The following IAH1 variants were observed in gnomAD, a reference collection of about 807,000 sequenced individuals.
The protein encoded by IAH1 is isoamyl acetate-hydrolyzing esterase 1 homolog.
Under a neutral mutation model 26.7 loss-of-function variants are expected in IAH1, and 24 were observed. That is an observed-to-expected ratio of 0.90 (90% CI 0.65 to 1.26). IAH1 has a LOEUF of 1.26. Among genes scored for constraint, IAH1 ranks in the 50% most tolerant of loss-of-function variants. IAH1 has a pLI of 0.00. For synonymous variants in IAH1, 140 were observed against 118.5 expected, an observed-to-expected ratio of 1.18 and a Z score of -1.18; for missense variants, 300 against 299.9, an observed-to-expected ratio of 1.00 and a Z score of 0.00.
At chr2:9,499,367 A>T (rs1363005275), downstream of IAH1, among the ~76,000 whole-genome samples, 1 of 152,104 alleles carries the variant, frequency 6.6e-6, no homozygotes, top group African/African-American at 2.4e-5. Context: ...TGCTTCTTTA[A>T]AGCTTGATTT....
At chr2:9,494,816 TCTC>T (rs773001207) in exon 6 of IAH1, 1 of 1,603,098 alleles carries the variant, frequency 6.2e-7, no homozygotes, top group Non-Finnish European at 8.5e-7. Context: ...GAGACCTGCC[TCTC>T]CTCCTGCCTC....
At chr2:9,506,185 C>A in the IAH1 span, among the ~76,000 whole-genome samples, 1 of 152,046 alleles carries the variant, frequency 6.6e-6, no homozygotes, top group African/African-American at 2.4e-5. Context: ...AAAATGGCTT[C>A]ACTTTCACCC....
downstream of IAH1, chr2:9,491,293 A>AATCC: frequency 1.5e-6 from 1 of 670,912 alleles, no homozygotes; most frequent in Non-Finnish European, 2.5e-6. Context: ...AACAGATGAC[A>AATCC]ATCCATTTCT....
intron 3 of IAH1, among the ~76,000 whole-genome samples, chr2:9,480,215 C>T (rs1346212558): frequency 6.6e-6 from 1 of 152,098 alleles, no homozygotes; most frequent in African/African-American, 2.4e-5. Context: ...TATTTATGGA[C>T]ACAGAAAAGC....
downstream of IAH1, among the ~76,000 whole-genome samples, chr2:9,499,593 A>G (rs555489739): frequency 0.014 from 2,084 of 152,182 alleles, 196 homozygotes; most frequent in Admixed American, 0.13. Flanking sequence ...TAGTAGACAC[A>G]GGGTTTCACC....
chr2:9,480,616 C>G (rs1351741135), intron 3 of IAH1, among the ~76,000 whole-genome samples: 2 of 152,070 alleles, frequency 1.3e-5, no homozygotes, highest in Non-Finnish European at 2.9e-5. Context: ...AGATATACAT[C>G]CAAATGCCAA....
the IAH1 span, among the ~76,000 whole-genome samples, chr2:9,503,421 A>G: frequency 6.6e-6 from 1 of 152,248 alleles, no homozygotes; most frequent in African/African-American, 2.4e-5. Flanking sequence ...ATATAGAATC[A>G]TGATAACATT....
chr2:9,494,610 C>T, downstream of IAH1: 3 of 1,608,318 alleles, frequency 1.9e-6, no homozygotes, highest in Non-Finnish European at 1.7e-6. Flanking sequence ...CTGGCTGTTA[C>T]AGAAAAAGCT....
downstream of IAH1, among the ~76,000 whole-genome samples, chr2:9,493,445 G>A (rs1662319632): frequency 6.6e-6 from 1 of 152,146 alleles, no homozygotes; most frequent in South Asian, 2.1e-4. Flanking sequence ...CATCAATCAG[G>A]ATTCAGTCTA....
At chr2:9,492,068 T>C (rs1406775268), downstream of IAH1, among the ~76,000 whole-genome samples, 1 of 152,148 alleles carries the variant, frequency 6.6e-6, no homozygotes, top group Non-Finnish European at 1.5e-5. Flanking sequence ...CTCTGTGAGA[T>C]GGCCCCTAGG....
At chr2:9,494,589 A>T (rs1283149109), downstream of IAH1, 3 of 1,601,550 alleles carry the variant, frequency 1.9e-6, no homozygotes, top group Non-Finnish European at 2.6e-6. Context: ...TACAAAATAA[A>T]AACTTCCTAT....
At chr2:9,484,277 A>AG (rs988201885) in intron 4 of IAH1, among the ~76,000 whole-genome samples, 155 bp from the exon 5 acceptor site, 3 of 152,206 alleles carry the variant, frequency 2.0e-5, no homozygotes, top group Non-Finnish European at 4.4e-5. Flanking sequence ...GTAACCTGCA[A>AG]GGCTCATCAA....
At chr2:9,483,854 C>T (rs1484858388) in intron 4 of IAH1, among the ~76,000 whole-genome samples, 1 of 152,228 alleles carries the variant, frequency 6.6e-6, no homozygotes, top group Non-Finnish European at 1.5e-5. Context: ...ACTAGGTAGG[C>T]ACTGTCATCA....
At chr2:9,477,030 C>T (rs1001077998) in intron 2 of IAH1, among the ~76,000 whole-genome samples, 10 of 152,268 alleles carry the variant, frequency 6.6e-5, no homozygotes, top group Non-Finnish European at 1.0e-4. Flanking sequence ...AACAGGCACT[C>T]GCTACCACAC....
At chr2:9,475,192 T>C in intron 1 of IAH1, 1 of 1,289,524 alleles carries the variant, frequency 7.8e-7, no homozygotes, top group Non-Finnish European at 1.0e-6. Flanking sequence ...TCACCTCCCA[T>C]GAAGGGAACG....
chr2:9,511,375 A>G, the IAH1 span, among the ~76,000 whole-genome samples: 1 of 152,062 alleles, frequency 6.6e-6, no homozygotes, highest in Non-Finnish European at 1.5e-5. Context: ...ACTTGAACCC[A>G]GGAGGCGGAG....
intron 3 of IAH1, among the ~76,000 whole-genome samples, chr2:9,479,014 G>C (rs543546004): frequency 6.6e-6 from 1 of 152,306 alleles, no homozygotes; most frequent in Admixed American, 6.5e-5. Context: ...TCACAGAAGT[G>C]CTGTGGTCTG....
chr2:9,503,123 G>C, the IAH1 span, among the ~76,000 whole-genome samples: 1 of 148,034 alleles, frequency 6.8e-6, no homozygotes, highest in Non-Finnish European at 1.5e-5. Context: ...CTGGTCAACA[G>C]GGCGAGACTC....
intron 3 of IAH1, among the ~76,000 whole-genome samples, chr2:9,479,842 A>C (rs1661061266): frequency 2.8e-5 from 3 of 109,076 alleles, no homozygotes; most frequent in Non-Finnish European, 3.4e-5. Flanking sequence ...ACAGTTTCAC[A>C]CTCTTGCCTA....
Sources: gnomAD v4.1 joint callset for allele counts (sites outside exome capture counted in the v4.1 genomes callset) on GRCh38, gnomAD v4.1.1 for gene constraint, MANE v1.5 for transcripts, NCBI Gene and HGNC (gene_info 2026-07-23, HGNC 2026-07-21) for gene names.